PEPD: variants seen among roughly 807,000 people sequenced by gnomAD.
The protein encoded by PEPD is peptidase D.
PEPD carries 53 observed loss-of-function variants against 60.7 expected under a neutral mutation model. That is an observed-to-expected ratio of 0.87 (90% CI 0.70 to 1.10). The LOEUF is 1.10. PEPD is among the 50% of genes least tolerant of loss of function. The probability of loss-of-function intolerance (pLI) is 0.00; values close to 1 mark genes in which losing one functional copy is unlikely to be tolerated. For synonymous variants in PEPD, 267 were observed against 284.1 expected, an observed-to-expected ratio of 0.94 and a Z score of 0.60; for missense variants, 711 against 711.9, an observed-to-expected ratio of 1.00 and a Z score of 0.01.
chr19:33,387,922 C>A lies in PEPD; in HGVS notation c.1312G>T (p.Glu438Ter). Residue 438 changes from glutamate to a stop codon, truncating the protein, a stop_gained, in exon 14 of 15, where the codon GAG becomes TAG. Coordinates refer to ENST00000244137, the MANE Select transcript of PEPD (RefSeq NM_000285.4). LOFTEE classifies it high-confidence loss of function. ...AAACCGCGAAAGCGCTGCAGGACCTCGCGGTTAAGGAAGGAGGCGCGGGCC... is the reference window on the plus strand; with the variant it reads ...AAACCGCGAAAGCGCTGCAGGACCTAGCGGTTAAGGAAGGAGGCGCGGGCC... ...DPARASFLNR[E>*]VLQRFRGFGG... is the part of the protein sequence containing the mutation. 1 of 1,590,438 alleles carries A rather than the reference C, an allele frequency of 6.3e-7. No homozygotes were observed. Among genetic ancestry groups the A allele is most frequent in the Non-Finnish European group, 8.6e-7 (1 of 1,169,232 alleles).
chr19:33,476,817 C>G (rs1454594221), intron 7 of PEPD, among the ~76,000 whole-genome samples: 1 of 152,120 alleles, frequency 6.6e-6, no homozygotes, highest in African/African-American at 2.4e-5. Context: ...GTGCCCGCCA[C>G]CATGCCCTGC....
intron 11 of PEPD, among the ~76,000 whole-genome samples, chr19:33,407,519 G>A (rs759306229): frequency 1.6e-4 from 24 of 152,234 alleles, no homozygotes; most frequent in Admixed American, 7.2e-4. Context: ...AGTGAGTGGG[G>A]AGGGGTCTTC....
intron 1 of PEPD, among the ~76,000 whole-genome samples, chr19:33,514,621 C>T (rs189763308): frequency 1.3e-3 from 192 of 151,980 alleles, no homozygotes; most frequent in African/African-American, 4.6e-3. Context: ...CCTCCTGTCT[C>T]CAGGCGCACT....
At position 33,415,200 on chromosome 19, in the gene PEPD, G is replaced by C. The variant is rs1210260656; in HGVS notation, c.672-1557C>G. On this transcript the variant is annotated intron_variant, in intron 9 of 14. Transcript: ENST00000244137. ...TGTGAGATGTGGTCCTGCACCAACA[G>C]AAGCGAACCTCAGAGGTCACATGGT... Among the ~76,000 whole-genome samples the C allele has an allele frequency of 2.0e-5, 3 of 152,324 alleles. No homozygotes were observed. The East Asian group carries it at 5.8e-4, about 29-fold the overall frequency.
chr19:33,423,799 A>G (rs944721851), intron 9 of PEPD, among the ~76,000 whole-genome samples: 4 of 152,152 alleles, frequency 2.6e-5, no homozygotes, highest in Non-Finnish European at 5.9e-5. Context: ...TGGACAGATA[A>G]TTTACATTTT....
At chr19:33,506,359 C>T (rs1352856406) in intron 3 of PEPD, among the ~76,000 whole-genome samples, 1 of 147,512 alleles carries the variant, frequency 6.8e-6, no homozygotes, top group Non-Finnish European at 1.5e-5. Flanking sequence ...GACACTCACA[C>T]CCACCACACC....
At chr19:33,409,177 C>A (rs955173564) in intron 11 of PEPD, among the ~76,000 whole-genome samples, 3 of 152,228 alleles carry the variant, frequency 2.0e-5, no homozygotes, top group African/African-American at 7.2e-5. Context: ...AAGGAGCAGT[C>A]ACTTCTTCTG....
chr19:33,415,253 C>T (rs1204898307), intron 9 of PEPD, among the ~76,000 whole-genome samples: 1 of 152,222 alleles, frequency 6.6e-6, no homozygotes, highest in South Asian at 2.1e-4. Context: ...CGACAGCGGA[C>T]CTCTGTGGGA....
chr19:33,512,869 C>T, intron 1 of PEPD, 93 bp from the exon 2 acceptor site: 1 of 1,425,336 alleles, frequency 7.0e-7, no homozygotes, highest in Non-Finnish European at 9.9e-7. Context: ...GAGGCCCGAG[C>T]CTGCCGTGGG....
Position 33,401,826 on chromosome 19 carries a change from T to C in PEPD, c.862A>G (p.Ile288Val). 2 of 1,613,106 alleles carry C rather than the reference T, an allele frequency of 1.2e-6. No homozygotes were observed. The highest frequency in any genetic ancestry group is 2.2e-5 in the East Asian group (1 of 44,884). The change falls in exon 12 of 15, where the codon ATC becomes GTC. Residue 288 changes from isoleucine (I) to valine (V), a missense_variant. Ile to Val is a conservative substitution (Grantham distance 29, BLOSUM62 3). Transcript: ENST00000244137. ...CCGTTGGCGGGAAAGGAGCAGGTGA[T>C]GTCGGAAGCGAAGCAGTAATACTCA... ...GGEYYCFASD[I>V]TCSFPANGKF...
chr19:33,501,539 C>T (rs1033728402), intron 3 of PEPD, among the ~76,000 whole-genome samples: 3 of 151,984 alleles, frequency 2.0e-5, no homozygotes, highest in Non-Finnish European at 2.9e-5. Context: ...AATTAGGGCG[C>T]GGTGGCGGGT....
chr19:33,448,072 C>T (rs564252670), intron 9 of PEPD, among the ~76,000 whole-genome samples: 1 of 152,316 alleles, frequency 6.6e-6, no homozygotes, highest in East Asian at 1.9e-4. Flanking sequence ...CTGGATGAAA[C>T]CATTCATGTC....
chr19:33,441,035 C>A (rs1029320399), intron 9 of PEPD, among the ~76,000 whole-genome samples: 1 of 152,160 alleles, frequency 6.6e-6, no homozygotes, highest in Non-Finnish European at 1.5e-5. Flanking sequence ...GTACTCCAGG[C>A]AAACCCTCTG....
intron 11 of PEPD, among the ~76,000 whole-genome samples, chr19:33,410,033 G>T (rs904113647): frequency 3.3e-5 from 5 of 152,238 alleles, no homozygotes; most frequent in Non-Finnish European, 7.3e-5. Context: ...ACGCAGGGGG[G>T]ACTGGGGACT....
chr19:33,409,592 T>C (rs1191281804), intron 11 of PEPD, among the ~76,000 whole-genome samples: 1 of 152,208 alleles, frequency 6.6e-6, no homozygotes, highest in Non-Finnish European at 1.5e-5. Context: ...GGAGGATCTC[T>C]TAAGCCTAGG....
intron 12 of PEPD, among the ~76,000 whole-genome samples, chr19:33,398,176 G>A (rs1482404750): frequency 6.6e-6 from 1 of 152,256 alleles, no homozygotes; most frequent in Non-Finnish European, 1.5e-5. Flanking sequence ...CTGGCACCCT[G>A]ATGGGCCCGG....
At chr19:33,424,493 A>G (rs1272342561) in intron 9 of PEPD, among the ~76,000 whole-genome samples, 1 of 152,208 alleles carries the variant, frequency 6.6e-6, no homozygotes, top group Non-Finnish European at 1.5e-5. Flanking sequence ...TCACTAATCC[A>G]TGCTGACTGT....
intron 3 of PEPD, among the ~76,000 whole-genome samples, chr19:33,506,817 C>T (rs1282063284): frequency 3.3e-5 from 5 of 150,894 alleles, no homozygotes; most frequent in Non-Finnish European, 5.9e-5. Flanking sequence ...ACCACACACA[C>T]AAAACACAGC....
intron 13 of PEPD, among the ~76,000 whole-genome samples, chr19:33,390,962 C>T (rs746071364): frequency 5.9e-5 from 9 of 152,122 alleles, no homozygotes; most frequent in Non-Finnish European, 1.0e-4. Context: ...AGCTCCATCA[C>T]GAAGACCTGT....
Sources: allele counts gnomAD v4.1 joint callset (sites outside exome capture counted in the v4.1 genomes callset), GRCh38; gene constraint gnomAD v4.1.1; transcripts MANE v1.5; gene names NCBI Gene and HGNC (gene_info 2026-07-23, HGNC 2026-07-21).